Variants in SORCS3 observed in about 807,000 individuals in gnomAD.
SORCS3 encodes the protein sortilin related VPS10 domain containing receptor 3.
A neutral mutation model predicts 146.3 loss-of-function variants in SORCS3; 57 were observed. That is an observed-to-expected ratio of 0.39 (90% CI 0.31 to 0.49). SORCS3 has a LOEUF of 0.49. Among genes scored for constraint, SORCS3 ranks in the 20% least tolerant of loss-of-function variants. The pLI, the probability that SORCS3 is intolerant of heterozygous loss-of-function variation, is 0.92. For missense variants in SORCS3, 1,341 were observed against 1,575.5 expected (o/e 0.85, Z 2.52); for synonymous variants, 653 against 618.5 (o/e 1.06, Z -0.83).
chr10:105,033,210 C>T (rs1414832989), intron 4 of SORCS3, among the ~76,000 whole-genome samples: 1 of 152,196 alleles, frequency 6.6e-6, no homozygotes, highest in East Asian at 1.9e-4. Context: ...CACTGCCATT[C>T]ATGCACAGCA....
intron 4 of SORCS3, among the ~76,000 whole-genome samples, chr10:105,016,114 C>T: frequency 1.5e-5 from 2 of 137,792 alleles, no homozygotes; most frequent in Non-Finnish European, 3.1e-5. Context: ...TTATGTATTA[C>T]ATATTAGAAA....
At chr10:105,092,270 G>A (rs928557890) in intron 6 of SORCS3, among the ~76,000 whole-genome samples, 1 of 152,162 alleles carries the variant, frequency 6.6e-6, no homozygotes, top group Non-Finnish European at 1.5e-5. Context: ...ATTGAATAAA[G>A]GCAGGCAGAA....
intron 2 of SORCS3, among the ~76,000 whole-genome samples, chr10:104,888,328 C>A (rs1310276735): frequency 6.6e-6 from 1 of 152,164 alleles, no homozygotes; most frequent in Non-Finnish European, 1.5e-5. Flanking sequence ...GTAGTTGGAC[C>A]AGGAGACTCA....
intron 20 of SORCS3, among the ~76,000 whole-genome samples, chr10:105,225,162 A>G (rs2056726871): frequency 6.6e-6 from 1 of 151,986 alleles, no homozygotes; most frequent in Non-Finnish European, 1.5e-5. Context: ...CTCCATACCC[A>G]ACATCATCAA....
chr10:104,665,419 A>G (rs1444261408), intron 1 of SORCS3: 49 of 152,200 alleles, frequency 3.2e-4, no homozygotes, highest in Admixed American at 3.2e-3. Context: ...GAGACCTTTT[A>G]TGGAACAGGG....
Position 104,641,960 on chromosome 10 carries a change from T to A in SORCS3, c.627+6T>A. 7.8e-7 allele frequency: 1 copy of A among 1,286,770 alleles called. No individual in the cohort carries two copies. Among genetic ancestry groups the A allele is most frequent in the Middle Eastern group, 2.2e-4 (1 of 4,464 alleles). The allele number at this position is 1,286,770 out of a possible 1,614,324, so 79.7% of individuals were successfully genotyped here. A position where few individuals can be genotyped will look rare whatever the true frequency, so the allele number is the denominator to read the frequency against. ...GGTCGGGACACAACAGCAGCGTGAG[T>A]ACCCACCCGGCGGCGGGTCCGCCTG... is the stretch of plus-strand genomic sequence containing the variant. On this transcript the variant is annotated splice_donor_region_variant and intron_variant, in intron 1 of 26. Coordinates refer to ENST00000369701, the MANE Select transcript of SORCS3 (RefSeq NM_014978.3). The surrounding 1 kb of genome is among the most constrained non-coding windows in gnomAD (Gnocchi z 6.4).
At chr10:105,229,101 G>A (rs567025990) in intron 20 of SORCS3, among the ~76,000 whole-genome samples, 1 of 151,974 alleles carries the variant, frequency 6.6e-6, no homozygotes, top group Non-Finnish European at 1.5e-5. Flanking sequence ...CTGTTTTCGG[G>A]ATCTGAGGTT....
At chr10:104,914,660 A>G (rs1274462017) in intron 2 of SORCS3, among the ~76,000 whole-genome samples, 5 of 152,200 alleles carry the variant, frequency 3.3e-5, no homozygotes, top group African/African-American at 1.2e-4. Flanking sequence ...CAAAGGTTAT[A>G]TAGTTTTAAG....
chr10:104,641,468 G>A lies in SORCS3; in HGVS notation c.141G>A (p.Ala47=). 6.8e-7 allele frequency: 1 copy of A among 1,466,804 alleles called. No individual in the cohort carries two copies. Among genetic ancestry groups the A allele is most frequent in the Non-Finnish European group, 9.0e-7 (1 of 1,116,586 alleles). 90.9% of individuals were successfully genotyped at this position (1,466,804 alleles called of 1,614,324 possible). The change falls in exon 1 of 27, where the codon GCG becomes GCA. Residue 47 remains alanine (A), a synonymous_variant. Coordinates refer to ENST00000369701, the MANE Select transcript of SORCS3 (RefSeq NM_014978.3). The surrounding 1 kb of genome is among the most constrained non-coding windows in gnomAD (Gnocchi z 6.4). ...WDATGGPGRP[A]APASRPPALS... ...CGACAGGCGGTCCCGGACGCCCGGC[G>A]GCCCCGGCTTCGCGGCCACCGGCGT...
At chr10:104,795,255 G>A (rs2017541909) in intron 1 of SORCS3, among the ~76,000 whole-genome samples, 1 of 152,162 alleles carries the variant, frequency 6.6e-6, no homozygotes, top group South Asian at 2.1e-4. Flanking sequence ...GAATCACCAT[G>A]AATAAGAGCT....
intron 20 of SORCS3, among the ~76,000 whole-genome samples, chr10:105,223,493 T>G (rs532006107): frequency 6.6e-6 from 1 of 152,352 alleles, no homozygotes; most frequent in African/African-American, 2.4e-5. Flanking sequence ...CTGCATGTTC[T>G]TGCTTCTCTA....
At position 104,876,727 on chromosome 10, in the gene SORCS3, C is replaced by CTTCCTTCT. The variant is rs1477283834; in HGVS notation, c.695+33875_695+33876insTTTCCTTC. Among the ~76,000 whole-genome samples, 6 of 114,326 alleles carry CTTCCTTCT rather than the reference C, an allele frequency of 5.2e-5. No homozygotes were observed. In the South Asian group the frequency reaches 8.3e-4, roughly 16 times the overall value. 75.0% of individuals were successfully genotyped at this position (114,326 alleles called of 152,430 possible). ...TTTTCCTTCCTTCCTTCCTTCCTTC[C>CTTCCTTCT]TTCCTTCCTTCCTTCCTTCCTTTCT... is the stretch of plus-strand genomic sequence containing the variant. On this transcript the variant is annotated intron_variant, in intron 2 of 26. Transcript: ENST00000369701.
intron 4 of SORCS3, among the ~76,000 whole-genome samples, chr10:105,031,722 T>G (rs74155096): frequency 0.015 from 2,232 of 152,310 alleles, 50 homozygotes; most frequent in African/African-American, 0.05. Context: ...GCTTCTGCCC[T>G]CCAATGCTAC....
intron 1 of SORCS3, among the ~76,000 whole-genome samples, chr10:104,772,549 A>C (rs2017263931): frequency 6.6e-6 from 1 of 152,166 alleles, no homozygotes; most frequent in South Asian, 2.1e-4. Flanking sequence ...AGCCCAGATC[A>C]AGCCGTTTTT....
intron 3 of SORCS3, among the ~76,000 whole-genome samples, chr10:104,964,234 C>G (rs1257863068): frequency 6.6e-6 from 1 of 152,112 alleles, no homozygotes; most frequent in African/African-American, 2.4e-5. Context: ...ATATCAATGC[C>G]TGGGTCTGCG....
At chr10:105,089,510 A>G (rs1215046827) in intron 5 of SORCS3, among the ~76,000 whole-genome samples, 3 of 152,098 alleles carry the variant, frequency 2.0e-5, no homozygotes, top group Admixed American at 6.5e-5. Context: ...ATGACTATGC[A>G]CTCTGTATTC....
At chr10:104,877,608 G>A (rs1434840822) in intron 2 of SORCS3, among the ~76,000 whole-genome samples, 1 of 152,110 alleles carries the variant, frequency 6.6e-6, no homozygotes, top group African/African-American at 2.4e-5. Context: ...ATTCTCAATA[G>A]GCTCAGAATT....
chr10:104,984,603 G>T (rs1206231716), intron 4 of SORCS3, among the ~76,000 whole-genome samples: 2 of 152,016 alleles, frequency 1.3e-5, no homozygotes, highest in African/African-American at 4.8e-5. Flanking sequence ...TTAAATTATG[G>T]TATATACATT....
chr10:105,014,897 G>A (rs1330273039), intron 4 of SORCS3, among the ~76,000 whole-genome samples: 1 of 152,138 alleles, frequency 6.6e-6, no homozygotes, highest in Non-Finnish European at 1.5e-5. Flanking sequence ...GTATCTGCTG[G>A]TATCTTGATC....
Sources: gnomAD v4.1 joint callset for allele counts (sites outside exome capture counted in the v4.1 genomes callset) on GRCh38, gnomAD v4.1.1 for gene constraint, Gnocchi (gnomAD v3.1) non-coding constraint, MANE v1.5 for transcripts, NCBI Gene and HGNC (gene_info 2026-07-23, HGNC 2026-07-21) for gene names.